Variants in PRKAG2 observed in about 807,000 individuals in gnomAD.
PRKAG2 encodes the protein 5'-AMP-activated protein kinase subunit gamma-2.
A neutral mutation model predicts 69.6 loss-of-function variants in PRKAG2; 26 were observed. The observed-to-expected ratio is 0.37, with a 90% CI of 0.27 to 0.52. The LOEUF is 0.52. Ranked by LOEUF, PRKAG2 falls within the 20% of genes least tolerant of loss-of-function variation. The pLI, the probability that PRKAG2 is intolerant of heterozygous loss-of-function variation, is 0.90. For missense variants in PRKAG2, 557 were observed against 740.0 expected, an observed-to-expected ratio of 0.75 and a Z score of 2.87; for synonymous variants, 293 against 285.0, an observed-to-expected ratio of 1.03 and a Z score of -0.28.
chr7:151,790,275 G>C (rs900368058), intron 1 of PRKAG2, among the ~76,000 whole-genome samples: 1 of 152,244 alleles, frequency 6.6e-6, no homozygotes, highest in African/African-American at 2.4e-5. Flanking sequence ...GGCTCACAGA[G>C]TAAACTCCTA....
rs184801642 is a variant in PRKAG2, at chr7:151,567,318, T to C, written c.1233+1398A>G. Among the ~76,000 whole-genome samples the C allele has an allele frequency of 6.6e-6, 1 of 152,186 alleles. No homozygotes were observed. Among genetic ancestry groups the C allele is most frequent in the Non-Finnish European group, 1.5e-5 (1 of 68,038 alleles). On this transcript the variant is annotated intron_variant, in intron 11 of 15. Transcript: ENST00000287878. The surrounding 1 kb of genome is among the most constrained non-coding windows in gnomAD (Gnocchi z 4.2). ...GCAACCTTGGCAAAGCTACTTAACC[T>C]TTCTTAGCTGCATCCCTATAAAATA...
At chr7:151,753,407 C>T (rs960566206) in intron 3 of PRKAG2, among the ~76,000 whole-genome samples, 1 of 152,114 alleles carries the variant, frequency 6.6e-6, no homozygotes. Context: ...CTGCAAATTC[C>T]TCTCAGGGGT....
At chr7:151,852,331 C>T (rs1460897039) in intron 1 of PRKAG2, among the ~76,000 whole-genome samples, 4 of 152,138 alleles carry the variant, frequency 2.6e-5, no homozygotes, top group African/African-American at 9.7e-5. Context: ...CCCGTCTTTA[C>T]TGAAAATACA....
At chr7:151,751,329 T>C (rs570752042) in intron 3 of PRKAG2, among the ~76,000 whole-genome samples, 153 of 151,900 alleles carry the variant, frequency 1.0e-3, no homozygotes, top group Non-Finnish European at 1.9e-3. Context: ...TTAGCCAGGA[T>C]GGTCTCGATC....
At chr7:151,633,318 G>A (rs746240429) in intron 4 of PRKAG2, among the ~76,000 whole-genome samples, 39 of 152,116 alleles carry the variant, frequency 2.6e-4, no homozygotes, top group Non-Finnish European at 5.0e-4. Context: ...ACTTCATAGT[G>A]AAAGACTGTT....
chr7:151,566,519 T>A, intron 11 of PRKAG2: 1 of 419,050 alleles, frequency 2.4e-6, no homozygotes, highest in South Asian at 1.7e-5. Context: ...GAGAGAAAAG[T>A]CTAGGATCAT....
intron 3 of PRKAG2, among the ~76,000 whole-genome samples, chr7:151,706,721 G>A (rs1838682934): frequency 6.6e-6 from 1 of 152,260 alleles, no homozygotes; most frequent in African/African-American, 2.4e-5. Context: ...TCCCAGACTA[G>A]GCGTTAGCTG....
chr7:151,780,576 A>G lies in PRKAG2; in HGVS notation c.466+576T>C, dbSNP rs1198713330. ...ATCCTCAGATCACAAACACTAATGA[A>G]CCTACGGAACTCTTTCTTAAACACT... On this transcript the variant is annotated intron_variant, in intron 3 of 15. Transcript: ENST00000287878. This position sits in a 1 kb window ranked among gnomAD's most constrained non-coding sequence, Gnocchi z 4.2. 6.6e-6 allele frequency among the ~76,000 whole-genome samples: 1 copy of G among 152,164 alleles called. No homozygotes were observed. Among genetic ancestry groups the G allele is most frequent in the Non-Finnish European group, 1.5e-5 (1 of 68,018 alleles).
intron 3 of PRKAG2, among the ~76,000 whole-genome samples, chr7:151,718,257 C>T (rs1056980527): frequency 1.4e-5 from 2 of 147,366 alleles, no homozygotes; most frequent in Non-Finnish European, 3.0e-5. Flanking sequence ...CAGACAGCCG[C>T]CTTCCCATGG....
At chr7:151,800,975 C>T (rs553798495) in intron 1 of PRKAG2, among the ~76,000 whole-genome samples, 21 of 152,302 alleles carry the variant, frequency 1.4e-4, no homozygotes, top group African/African-American at 4.1e-4. Flanking sequence ...CTGAACTTTC[C>T]GCTTCAGGTT....
chr7:151,786,371 G>T, intron 2 of PRKAG2, 99 bp downstream of exon 2: 1 of 1,182,748 alleles, frequency 8.5e-7, no homozygotes, highest in Non-Finnish European at 1.2e-6. Flanking sequence ...ATGCGGGTGG[G>T]CGTGAGGGTG....
At chr7:151,769,193 C>T (rs1440548501) in intron 3 of PRKAG2, among the ~76,000 whole-genome samples, 1 of 152,186 alleles carries the variant, frequency 6.6e-6, no homozygotes, top group East Asian at 1.9e-4. Context: ...GAAGAGAAGA[C>T]AAGTGAAAGT....
chr7:151,861,528 C>CAAAAA (rs11406004), intron 1 of PRKAG2, among the ~76,000 whole-genome samples: 58 of 96,566 alleles, frequency 6.0e-4, no homozygotes, highest in African/African-American at 2.3e-3. Flanking sequence ...ACTCTGTCTC[C>CAAAAA]AAAAAAAAAA....
At chr7:151,813,995 C>T (rs1454083896) in intron 1 of PRKAG2, among the ~76,000 whole-genome samples, 2 of 152,116 alleles carry the variant, frequency 1.3e-5, no homozygotes, top group East Asian at 1.9e-4. Flanking sequence ...ATGACAACTT[C>T]GCTAAGATTT....
At chr7:151,581,596 C>A (rs1436085986) in intron 6 of PRKAG2, among the ~76,000 whole-genome samples, 1 of 152,128 alleles carries the variant, frequency 6.6e-6, no homozygotes, top group African/African-American at 2.4e-5. Context: ...TTTAAAAAAA[C>A]CCAAGAATAA....
At chr7:151,778,662 T>C (rs1027017007) in intron 3 of PRKAG2, among the ~76,000 whole-genome samples, 2 of 152,384 alleles carry the variant, frequency 1.3e-5, no homozygotes, top group Admixed American at 1.3e-4. Context: ...TTTCTTCTGC[T>C]GTTACCAACA....
chr7:151,784,433 C>T (rs2076897315), intron 2 of PRKAG2, among the ~76,000 whole-genome samples: 1 of 152,190 alleles, frequency 6.6e-6, no homozygotes. Flanking sequence ...GCACCATAAG[C>T]ACCATGCAGA....
intron 4 of PRKAG2, among the ~76,000 whole-genome samples, chr7:151,648,186 T>C (rs1827871958): frequency 6.6e-6 from 1 of 152,054 alleles, no homozygotes; most frequent in South Asian, 2.1e-4. Context: ...CAGCTATGCC[T>C]CCCAAACTTT....
chr7:151,715,733 G>T (rs1176929525), intron 3 of PRKAG2, among the ~76,000 whole-genome samples: 3 of 152,096 alleles, frequency 2.0e-5, no homozygotes, highest in East Asian at 1.9e-4. Flanking sequence ...AGAAAGATAG[G>T]GGGAAGGCTG....
Sources: gnomAD v4.1 joint callset for allele counts (sites outside exome capture counted in the v4.1 genomes callset) on GRCh38, gnomAD v4.1.1 for gene constraint, Gnocchi (gnomAD v3.1) non-coding constraint, MANE v1.5 for transcripts, NCBI Gene and HGNC (gene_info 2026-07-23, HGNC 2026-07-21) for gene names.